HPSE2: variants seen among roughly 807,000 people sequenced by gnomAD.
HPSE2 encodes inactive heparanase-2.
A neutral mutation model predicts 60.5 loss-of-function variants in HPSE2; 38 were observed. That is an observed-to-expected ratio of 0.63 (90% CI 0.48 to 0.82). The LOEUF is 0.82. Among genes scored for constraint, HPSE2 ranks in the 40% least tolerant of loss-of-function variants. HPSE2 has a pLI of 0.00. For synonymous variants in HPSE2, 295 were observed against 293.2 expected (o/e 1.01, Z -0.06); for missense variants, 713 against 740.4 (o/e 0.96, Z 0.43).
At chr10:98,841,310 T>C (rs1951907981) in intron 3 of HPSE2, among the ~76,000 whole-genome samples, 1 of 152,130 alleles carries the variant, frequency 6.6e-6, no homozygotes, top group Non-Finnish European at 1.5e-5. Context: ...ACCTATATGG[T>C]TCTTCCACAT....
intron 3 of HPSE2, among the ~76,000 whole-genome samples, chr10:99,064,604 AAT>A (rs5787320): frequency 0.85 from 126,537 of 149,700 alleles, 54,400 homozygotes; most frequent in South Asian, 0.97. Context: ...TATTTACTTA[AAT>A]ATATATATAT....
intron 9 of HPSE2, among the ~76,000 whole-genome samples, chr10:98,518,968 C>T (rs2133767291): frequency 6.6e-6 from 1 of 152,068 alleles, no homozygotes; most frequent in Non-Finnish European, 1.5e-5. Context: ...GCTGACCAAT[C>T]AAAAGAACAA....
chr10:99,176,338 A>G (rs537510176), intron 2 of HPSE2, among the ~76,000 whole-genome samples: 2 of 152,324 alleles, frequency 1.3e-5, no homozygotes, highest in South Asian at 2.1e-4. Flanking sequence ...TTAAAGGAGC[A>G]TGTTCTAACC....
intron 3 of HPSE2, among the ~76,000 whole-genome samples, chr10:98,767,813 CTTA>C (rs1483800534): frequency 7.1e-6 from 1 of 141,520 alleles, no homozygotes; most frequent in Non-Finnish European, 1.5e-5. Context: ...ATACTATACA[CTTA>C]TTTAATATAT....
chr10:98,934,513 T>C (rs770150765), intron 3 of HPSE2, among the ~76,000 whole-genome samples: 14 of 144,458 alleles, frequency 9.7e-5, no homozygotes, highest in Non-Finnish European at 8.9e-5. Context: ...CTGAAAAAGA[T>C]GTTATTTCTC....
chr10:98,567,050 C>A (rs1944367435), intron 9 of HPSE2, among the ~76,000 whole-genome samples: 1 of 152,180 alleles, frequency 6.6e-6, no homozygotes, highest in Non-Finnish European at 1.5e-5. Context: ...CTGCAGTGCA[C>A]AGATATCTCT....
At chr10:98,744,078 C>A in intron 3 of HPSE2, 22 bp from the exon 4 acceptor site, 1 of 1,610,044 alleles carries the variant, frequency 6.2e-7, no homozygotes, top group South Asian at 1.1e-5. Context: ...CAGAGAAAGG[C>A]TTGTAACTTT....
intron 3 of HPSE2, among the ~76,000 whole-genome samples, chr10:99,141,605 A>C (rs955913194): frequency 1.2e-4 from 18 of 152,186 alleles, no homozygotes; most frequent in African/African-American, 4.3e-4. Flanking sequence ...ATCACTAACA[A>C]TTGTAGAGTT....
rs1252440011 is a variant in HPSE2, at chr10:98,939,789, G to C, written c.611-195733C>G. On this transcript the variant is annotated intron_variant, in intron 3 of 11. Coordinates refer to ENST00000370552, the MANE Select transcript of HPSE2 (RefSeq NM_021828.5). ...ATCAACAAAATAAACATTCTTTTCA[G>C]CACCACACCACACCTATTCCAAAAT... 5.6e-5 allele frequency among the ~76,000 whole-genome samples: 8 copies of C among 143,904 alleles called. 2 individuals carry two copies. Among genetic ancestry groups the C allele is most frequent in the East Asian group, 3.9e-4 (2 of 5,094 alleles). 94.4% of individuals were successfully genotyped at this position (143,904 alleles called of 152,430 possible).
At chr10:98,982,160 A>C (rs2135302896) in intron 3 of HPSE2, among the ~76,000 whole-genome samples, 1 of 152,242 alleles carries the variant, frequency 6.6e-6, no homozygotes, top group East Asian at 1.9e-4. Flanking sequence ...ATAAAAGATC[A>C]CCTGTCAGAA....
chr10:98,564,237 G>A (rs1270029882), intron 9 of HPSE2, among the ~76,000 whole-genome samples: 1 of 152,186 alleles, frequency 6.6e-6, no homozygotes, highest in Non-Finnish European at 1.5e-5. Context: ...GAGGTTGAGA[G>A]CGTAGGCTCT....
At chr10:99,185,727 T>C (rs1260381717) in intron 2 of HPSE2, among the ~76,000 whole-genome samples, 2 of 151,074 alleles carry the variant, frequency 1.3e-5, no homozygotes, top group South Asian at 2.1e-4. Context: ...TAAGCCGAGA[T>C]TGCACCACTG....
intron 11 of HPSE2, among the ~76,000 whole-genome samples, chr10:98,470,410 T>G (rs1392901023): frequency 6.6e-6 from 1 of 152,140 alleles, no homozygotes; most frequent in African/African-American, 2.4e-5. Flanking sequence ...TGTTTGGCAG[T>G]GGGTCCACAG....
intron 7 of HPSE2, among the ~76,000 whole-genome samples, chr10:98,625,686 TA>T (rs1431226742): frequency 6.6e-6 from 1 of 152,194 alleles, no homozygotes; most frequent in Non-Finnish European, 1.5e-5. Context: ...TAAATGATAC[TA>T]ATAAGAATTA....
At chr10:98,562,674 C>T (rs1260076350) in intron 9 of HPSE2, among the ~76,000 whole-genome samples, 14 of 145,650 alleles carry the variant, frequency 9.6e-5, no homozygotes, top group Non-Finnish European at 1.8e-4. Flanking sequence ...GAGATTGCAC[C>T]ACTGCACTCC....
chr10:99,057,772 G>A (rs1004814332), intron 3 of HPSE2, among the ~76,000 whole-genome samples: 7 of 152,170 alleles, frequency 4.6e-5, no homozygotes, highest in African/African-American at 1.7e-4. Flanking sequence ...ATTTTGTCCA[G>A]CTGGCTGCAA....
chr10:99,232,233 A>G lies in HPSE2; in HGVS notation c.448+115T>C, dbSNP rs1177640085. 39 of 1,251,130 alleles carry G rather than the reference A, an allele frequency of 3.1e-5. No homozygotes were observed. The East Asian group carries it at 7.1e-4, about 23-fold the overall frequency. The allele number at this position is 1,251,130 out of a possible 1,614,324, so 77.5% of individuals were successfully genotyped here. A position where few individuals can be genotyped will look rare whatever the true frequency, so the allele number is the denominator to read the frequency against. ...CGCGCATACACACACACACACACAC[A>G]CACACACACACACACACACACACGA... On this transcript the variant is annotated intron_variant, in intron 2 of 11. Coordinates refer to ENST00000370552, the MANE Select transcript of HPSE2 (RefSeq NM_021828.5).
intron 2 of HPSE2, among the ~76,000 whole-genome samples, chr10:99,221,423 A>G (rs546328485): frequency 6.6e-6 from 1 of 152,338 alleles, no homozygotes; most frequent in Admixed American, 6.5e-5. Context: ...ACAGTGCCCT[A>G]TAATCTAGGA....
intron 3 of HPSE2, among the ~76,000 whole-genome samples, chr10:98,879,694 T>C (rs1375644537): frequency 6.6e-6 from 1 of 152,006 alleles, no homozygotes; most frequent in Non-Finnish European, 1.5e-5. Flanking sequence ...TAAAGACCCA[T>C]GTGAATCATT....
Sources: allele counts gnomAD v4.1 joint callset (sites outside exome capture counted in the v4.1 genomes callset), GRCh38; gene constraint gnomAD v4.1.1; transcripts MANE v1.5; gene names NCBI Gene and HGNC (gene_info 2026-07-23, HGNC 2026-07-21).